The following ANKS1A variants were observed in gnomAD, a reference collection of about 807,000 sequenced individuals.
ANKS1A encodes ankyrin repeat and sterile alpha motif domain containing 1A.
A neutral mutation model predicts 120.3 loss-of-function variants in ANKS1A; 55 were observed. The observed-to-expected ratio is 0.46, with a 90% CI of 0.37 to 0.57. ANKS1A has a LOEUF of 0.57. Ranked by LOEUF, ANKS1A falls within the 20% of genes least tolerant of loss-of-function variation. ANKS1A has a pLI of 0.00. For missense variants in ANKS1A, 1,123 were observed against 1,480.3 expected (o/e 0.76, Z 3.96); for synonymous variants, 590 against 604.7 (o/e 0.98, Z 0.36).
chr6:34,956,062 C>T (rs965597049), intron 1 of ANKS1A, among the ~76,000 whole-genome samples: 11 of 151,940 alleles, frequency 7.2e-5, no homozygotes, highest in African/African-American at 2.7e-4. Context: ...CTTTTTTTCT[C>T]TCTTCTCTGG....
Position 35,054,946 on chromosome 6 carries a change from G to A in ANKS1A, c.2077+781G>A, listed in dbSNP as rs374561980. ...TGAAAGCAGCCCAGCTGGGAGCCTG[G>A]CCTGTCTTCACCTTCATGGAAATGC... On this transcript the variant is annotated intron_variant, in intron 12 of 23. Coordinates refer to ENST00000360359, the MANE Select transcript of ANKS1A (RefSeq NM_015245.3). Among the ~76,000 whole-genome samples, 16 of 152,330 alleles carry A rather than the reference G, an allele frequency of 1.1e-4. No individual in the cohort carries two copies. In the South Asian group the frequency reaches 3.1e-3, roughly 30 times the overall value.
Position 34,953,673 on chromosome 6 carries a change from A to G in ANKS1A, c.198-13566A>G, listed in dbSNP as rs1037391752. ...GGACTTGGTCTTATTTACTCATTGT[A>G]AGATGTTTAGAATAGCACAGCAACC... On this transcript the variant is annotated intron_variant, in intron 1 of 23. Coordinates refer to ENST00000360359, the MANE Select transcript of ANKS1A (RefSeq NM_015245.3). Among the ~76,000 whole-genome samples the G allele has an allele frequency of 3.3e-5, 5 of 152,104 alleles. No individual in the cohort carries two copies. The South Asian group carries it at 8.3e-4, about 25-fold the overall frequency.
rs1352364125 is a variant in ANKS1A, at chr6:34,989,324, G to A, written c.1302+8G>A. 1.9e-5 allele frequency: 30 copies of A among 1,611,592 alleles called. No individual in the cohort carries two copies. Among genetic ancestry groups the A allele is most frequent in the Non-Finnish European group, 2.5e-5 (29 of 1,178,966 alleles). ...CCCTTGACAGCTTCTGAGGTAGAGG[G>A]TTGTGGGTTTATTCCCCATTGCTGA... On this transcript the variant is annotated splice_region_variant and intron_variant, in intron 9 of 23. Coordinates refer to ENST00000360359, the MANE Select transcript of ANKS1A (RefSeq NM_015245.3).
intron 11 of ANKS1A, among the ~76,000 whole-genome samples, chr6:35,045,080 C>G (rs1775654883): frequency 1.3e-5 from 2 of 152,224 alleles, no homozygotes. Context: ...GGAGGAGGAA[C>G]AGATCTCACC....
intron 11 of ANKS1A, among the ~76,000 whole-genome samples, chr6:35,026,295 A>G (rs1194187818): frequency 1.3e-5 from 2 of 152,238 alleles, no homozygotes; most frequent in African/African-American, 2.4e-5. Flanking sequence ...GGTATTTTAC[A>G]TAATCAGTAA....
chr6:34,913,437 T>C (rs1767996352), intron 1 of ANKS1A, among the ~76,000 whole-genome samples: 1 of 152,152 alleles, frequency 6.6e-6, no homozygotes, highest in East Asian at 1.9e-4. Context: ...AGCAATCCTC[T>C]GGCCTCAGCA....
At chr6:34,958,627 A>C (rs775993802) in intron 1 of ANKS1A, among the ~76,000 whole-genome samples, 1 of 152,176 alleles carries the variant, frequency 6.6e-6, no homozygotes, top group African/African-American at 2.4e-5. Context: ...CTTCAGCGGC[A>C]TACAGGACCC....
Position 35,082,965 on chromosome 6 carries a change from C to T in ANKS1A, c.2835+149C>T, listed in dbSNP as rs542499270. 2.2e-4 allele frequency: 310 copies of T among 1,388,808 alleles called. 1 individual carries two copies. Among genetic ancestry groups the T allele is most frequent in the Non-Finnish European group, 2.8e-4 (287 of 1,033,862 alleles). 86.0% of individuals were successfully genotyped at this position (1,388,808 alleles called of 1,614,324 possible). ...TCTCAGCCACTCTTGACAGCTAAGG[C>T]GAAGGGGTGGAGGCCTCTGGATCCT... On this transcript the variant is annotated intron_variant, in intron 18 of 23. Coordinates refer to ENST00000360359, the MANE Select transcript of ANKS1A (RefSeq NM_015245.3). The surrounding 1 kb of genome is among the most constrained non-coding windows in gnomAD (Gnocchi z 4.1).
In ANKS1A at chr6:35,090,395, T is replaced by C; in HGVS notation, c.*1786T>C. The C allele has an allele frequency of 8.2e-7, 1 of 1,218,772 alleles. No individual in the cohort carries two copies. Among genetic ancestry groups the C allele is most frequent in the Non-Finnish European group, 1.0e-6 (1 of 955,578 alleles). 75.5% of individuals were successfully genotyped at this position (1,218,772 alleles called of 1,614,324 possible). On this transcript the variant is annotated 3_prime_UTR_variant, in exon 24 of 24. Coordinates refer to ENST00000360359, the MANE Select transcript of ANKS1A (RefSeq NM_015245.3). ...GCCAGGCCACATCCAAGTGGGCCTCTGTCGGGGGCGGGGCGGTAGGTCCGA... is the reference window on the plus strand; with the variant it reads ...GCCAGGCCACATCCAAGTGGGCCTCCGTCGGGGGCGGGGCGGTAGGTCCGA...
intron 1 of ANKS1A, among the ~76,000 whole-genome samples, chr6:34,937,304 T>TA (rs1398466159): frequency 2.0e-5 from 3 of 151,588 alleles, no homozygotes; most frequent in Non-Finnish European, 2.9e-5. Flanking sequence ...GACCTCATCT[T>TA]AAAAAAATAT....
chr6:35,083,208 C>T lies in ANKS1A; in HGVS notation c.2889C>T (p.Asp963=), dbSNP rs958503990. 1.2e-5 allele frequency: 20 copies of T among 1,614,136 alleles called. No homozygotes were observed. The highest frequency in any genetic ancestry group is 1.6e-4 in the Middle Eastern group (1 of 6,062). Residue 963 remains aspartate, a synonymous_variant, in exon 19 of 24, where the codon GAC becomes GAT. Transcript: ENST00000360359. The part of the protein sequence containing the change: ...KDLRGTESTQ[D]ACAKMRKSTE... ...TGCGAGGGACAGAATCCACGCAAGA[C>T]GCCTGTGCCAAGATGCGGGTAGGGT...
At chr6:34,914,868 G>A (rs978287089) in intron 1 of ANKS1A, among the ~76,000 whole-genome samples, 1 of 152,156 alleles carries the variant, frequency 6.6e-6, no homozygotes, top group Non-Finnish European at 1.5e-5. Flanking sequence ...CAGTAAAGTT[G>A]TCTCTTCCTG....
intron 1 of ANKS1A, among the ~76,000 whole-genome samples, chr6:34,940,401 T>C (rs1246681305): frequency 2.0e-5 from 3 of 152,152 alleles, no homozygotes. Flanking sequence ...ACCTTTGTCC[T>C]TGAGGCACTT....
intron 13 of ANKS1A, among the ~76,000 whole-genome samples, chr6:35,077,923 C>T (rs1168603106): frequency 6.6e-6 from 1 of 152,214 alleles, no homozygotes; most frequent in African/African-American, 2.4e-5. Context: ...CACATCCTTG[C>T]ATCGTGCTTA....
At position 34,985,087 on chromosome 6, in the gene ANKS1A, G is replaced by A. The variant is rs1319678301; in HGVS notation, c.1018G>A (p.Val340Met). 3.7e-6 allele frequency: 6 copies of A among 1,613,126 alleles called. No homozygotes were observed. Among genetic ancestry groups the A allele is most frequent in the South Asian group, 2.2e-5 (2 of 90,954 alleles). The change falls in exon 8 of 24, where the codon GTG (valine) becomes ATG (methionine). Residue 340 changes from valine (V) to methionine (M), a missense_variant. Transcript: ENST00000360359. ...DSISQKSQGD[V>M]EKAVTELIID... ...GCCCTCCATCCTCCTCTCAGGTGAC[G>A]TGGAGAAAGCAGTGACTGAACTGAT... is the stretch of plus-strand genomic sequence containing the variant.
In ANKS1A at chr6:34,994,919, T is replaced by A. The variant is rs3800438; in HGVS notation, c.1423+497T>A. On this transcript the variant is annotated intron_variant, in intron 10 of 23. Coordinates refer to ENST00000360359, the MANE Select transcript of ANKS1A (RefSeq NM_015245.3). ...CGCCTTGGCCTACTTTCATTGCCTC[T>A]GCAAAATTCAGTTTCCTCTGTAAGG... 8.5e-5 allele frequency among the ~76,000 whole-genome samples: 13 copies of A among 152,344 alleles called. No homozygotes were observed. The East Asian group carries it at 2.1e-3, about 25-fold the overall frequency.
chr6:34,898,896 A>T (rs927724441), intron 1 of ANKS1A, among the ~76,000 whole-genome samples: 2 of 152,184 alleles, frequency 1.3e-5, no homozygotes, highest in African/African-American at 4.8e-5. Flanking sequence ...CTTTCCTGAC[A>T]TGGAACATGA....
At chr6:34,989,840 G>A (rs1363637707) in intron 9 of ANKS1A, among the ~76,000 whole-genome samples, 1 of 152,168 alleles carries the variant, frequency 6.6e-6, no homozygotes, top group Non-Finnish European at 1.5e-5. Flanking sequence ...GAAGATCAAA[G>A]AAGTTTATTT....
chr6:34,984,722 T>C (rs1772091923), intron 7 of ANKS1A, among the ~76,000 whole-genome samples: 1 of 152,168 alleles, frequency 6.6e-6, no homozygotes, highest in African/African-American at 2.4e-5. Flanking sequence ...GAGACTCTTA[T>C]TAAAGAATGT....
Sources: allele counts gnomAD v4.1 joint callset (sites outside exome capture counted in the v4.1 genomes callset), GRCh38; gene constraint gnomAD v4.1.1; non-coding constraint Gnocchi (gnomAD v3.1); transcripts MANE v1.5; gene names NCBI Gene and HGNC (gene_info 2026-07-23, HGNC 2026-07-21).